The following TMEM131L variants were observed in gnomAD, a reference collection of about 807,000 sequenced individuals.
The protein encoded by TMEM131L is transmembrane protein 131-like.
In TMEM131L, 54 loss-of-function variants were observed where a neutral mutation model predicts 192.2. The observed-to-expected ratio is 0.28, with a 90% CI of 0.23 to 0.35. The LOEUF (loss-of-function observed/expected upper bound fraction) is 0.35, where lower values mean the gene tolerates loss of function less well. TMEM131L is among the 10% of genes least tolerant of loss of function. The probability of loss-of-function intolerance (pLI) is 1.00; values close to 1 mark genes in which losing one functional copy is unlikely to be tolerated. For missense variants in TMEM131L, 1,888 were observed against 1,972.9 expected (o/e 0.96, Z 0.82); for synonymous variants, 701 against 704.9 (o/e 0.99, Z 0.09).
In TMEM131L at chr4:153,613,890, G is replaced by A. The variant is rs575917973; in HGVS notation, c.3567+1490G>A. ...GCATGAGTTTTTTGATTCAAATAAA[G>A]TAGAAATGATACAAAATAAGTATGT... On this transcript the variant is annotated intron_variant, in intron 26 of 34. Coordinates refer to ENST00000409959, the MANE Select transcript of TMEM131L (RefSeq NM_001131007.2). 1.2e-4 allele frequency among the ~76,000 whole-genome samples: 18 copies of A among 152,178 alleles called. No homozygotes were observed. The East Asian group carries it at 3.5e-3, about 29-fold the overall frequency.
chr4:153,537,667 G>A (rs1034613304), intron 3 of TMEM131L, among the ~76,000 whole-genome samples: 2 of 152,276 alleles, frequency 1.3e-5, no homozygotes, highest in East Asian at 1.9e-4. Context: ...CTTCTTTACT[G>A]CAACCTGTTT....
chr4:153,591,236 C>A, intron 17 of TMEM131L, 42 bp downstream of exon 17: 1 of 1,526,880 alleles, frequency 6.5e-7, no homozygotes, highest in South Asian at 1.3e-5. Context: ...CAGTGACTCC[C>A]CAGTGCTTGG....
chr4:153,496,857 A>C (rs1429890682), intron 3 of TMEM131L, among the ~76,000 whole-genome samples: 1 of 150,552 alleles, frequency 6.6e-6, no homozygotes, highest in Non-Finnish European at 1.5e-5. Context: ...TGGCCTATGA[A>C]GACTTTTTTT....
At chr4:153,554,044 T>C (rs1737825198) in intron 4 of TMEM131L, 1 of 152,246 alleles carries the variant, frequency 6.6e-6, no homozygotes, top group Non-Finnish European at 1.5e-5. Context: ...CATGTATTTC[T>C]CTGATAGACA....
intron 28 of TMEM131L, 88 bp downstream of exon 28, chr4:153,621,937 A>G: frequency 7.8e-7 from 1 of 1,286,884 alleles, no homozygotes; most frequent in Non-Finnish European, 1.1e-6. Context: ...ATGACACCTC[A>G]GTGATTTTAT....
intron 25 of TMEM131L, among the ~76,000 whole-genome samples, chr4:153,609,793 C>A (rs1367147741): frequency 6.6e-6 from 1 of 152,150 alleles, no homozygotes; most frequent in African/African-American, 2.4e-5. Flanking sequence ...AATTAGGACA[C>A]CAGGAGAGTA....
chr4:153,619,545 A>C (rs1733240001), intron 26 of TMEM131L, among the ~76,000 whole-genome samples: 1 of 152,236 alleles, frequency 6.6e-6, no homozygotes, highest in Admixed American at 6.5e-5. Flanking sequence ...AAGGAGAAAT[A>C]AAAAATGTCA....
chr4:153,511,094 C>A (rs1734323614), intron 3 of TMEM131L, among the ~76,000 whole-genome samples: 1 of 152,064 alleles, frequency 6.6e-6, no homozygotes, highest in South Asian at 2.1e-4. Flanking sequence ...AGAACTAAAA[C>A]CAGAACTACC....
chr4:153,557,623 T>C (rs996121359), intron 6 of TMEM131L, among the ~76,000 whole-genome samples: 1 of 152,174 alleles, frequency 6.6e-6, no homozygotes, highest in Non-Finnish European at 1.5e-5. Flanking sequence ...GTACCTGATA[T>C]GGCATTTAAC....
At chr4:153,493,345 C>CAAAAA (rs35052272) in intron 3 of TMEM131L, among the ~76,000 whole-genome samples, 27 of 72,866 alleles carry the variant, frequency 3.7e-4, no homozygotes, top group African/African-American at 9.3e-4. Context: ...GACTCTGTCT[C>CAAAAA]AAAAAAAAAA....
At chr4:153,575,141 A>G (rs1729849120) in intron 7 of TMEM131L, among the ~76,000 whole-genome samples, 1 of 152,206 alleles carries the variant, frequency 6.6e-6, no homozygotes, top group Non-Finnish European at 1.5e-5. Flanking sequence ...ACTCTTGTTG[A>G]TAAGACATCA....
At chr4:153,578,323 T>C (rs1730096499) in intron 7 of TMEM131L, among the ~76,000 whole-genome samples, 2 of 152,086 alleles carry the variant, frequency 1.3e-5, no homozygotes, top group Non-Finnish European at 2.9e-5. Context: ...GCCTGTGAAT[T>C]GCCACTGTGC....
chr4:153,473,035 A>G (rs768894126), intron 2 of TMEM131L, among the ~76,000 whole-genome samples: 13 of 152,158 alleles, frequency 8.5e-5, no homozygotes, highest in Non-Finnish European at 1.6e-4. Flanking sequence ...TAAGTTCAGC[A>G]TTTTCCCTCG....
rs529065134 is a variant in TMEM131L, at chr4:153,524,800, C to CA, written c.240-25272dup. 9.2e-5 allele frequency among the ~76,000 whole-genome samples: 14 copies of CA among 152,322 alleles called. No homozygotes were observed. In the East Asian group the frequency reaches 2.7e-3, roughly 29 times the overall value. On this transcript the variant is annotated intron_variant, in intron 3 of 34. Transcript: ENST00000409959. ...GTTATGGGTTGAAGCCTGATTTTATCACTTTATGTTATTTAGAGGATTTGT... is the reference window on the plus strand; with the variant it reads ...GTTATGGGTTGAAGCCTGATTTTATCAACTTTATGTTATTTAGAGGATTTGT...
At chr4:153,573,027 C>T (rs1729697170) in intron 7 of TMEM131L, among the ~76,000 whole-genome samples, 1 of 152,212 alleles carries the variant, frequency 6.6e-6, no homozygotes, top group Non-Finnish European at 1.5e-5. Context: ...TGTTATATAG[C>T]ATGTATCAGA....
At chr4:153,499,576 G>C (rs77540986) in intron 3 of TMEM131L, among the ~76,000 whole-genome samples, 4,317 of 152,146 alleles carry the variant, frequency 0.028, 124 homozygotes, top group South Asian at 0.069. Flanking sequence ...ACAGGCACGC[G>C]CCACCATGCC....
intron 3 of TMEM131L, among the ~76,000 whole-genome samples, chr4:153,480,953 G>T: frequency 6.6e-6 from 1 of 152,126 alleles, no homozygotes; most frequent in South Asian, 2.1e-4. Flanking sequence ...ACCCCATCCT[G>T]TTCTCCTCAC....
chr4:153,485,642 A>G (rs9997743), intron 3 of TMEM131L, among the ~76,000 whole-genome samples: 74,974 of 152,032 alleles, frequency 0.49, 19,567 homozygotes, highest in African/African-American at 0.68. Flanking sequence ...ATTTACAGTA[A>G]AGGTTCTGTT....
At chr4:153,538,694 A>G (rs1397219340) in intron 3 of TMEM131L, among the ~76,000 whole-genome samples, 1 of 152,176 alleles carries the variant, frequency 6.6e-6, no homozygotes, top group South Asian at 2.1e-4. Context: ...GCTGCTGGCA[A>G]TTTCTGGTGT....
Sources: allele counts gnomAD v4.1 joint callset (sites outside exome capture counted in the v4.1 genomes callset), GRCh38; gene constraint gnomAD v4.1.1; transcripts MANE v1.5; gene names NCBI Gene and HGNC (gene_info 2026-07-23, HGNC 2026-07-21).